Variants in VPS50 observed in about 807,000 individuals in gnomAD.
VPS50 encodes syndetin.
Under a neutral mutation model 139.7 loss-of-function variants are expected in VPS50, and 70 were observed. That is an observed-to-expected ratio of 0.50 (90% confidence interval 0.41 to 0.61). The LOEUF is 0.61. VPS50 is among the 20% of genes least tolerant of loss of function. VPS50 has a pLI of 0.00. For missense variants in VPS50, 921 were observed against 1,133.7 expected (o/e 0.81, Z 2.69); for synonymous variants, 365 against 376.7 (o/e 0.97, Z 0.36).
chr7:93,343,854 G>T (rs1293136350), intron 23 of VPS50, among the ~76,000 whole-genome samples: 2 of 152,120 alleles, frequency 1.3e-5, no homozygotes, highest in African/African-American at 4.8e-5. Flanking sequence ...AGGAACAACC[G>T]GTACCAGCCG....
At chr7:93,355,182 C>A (rs1798670861) in intron 26 of VPS50, among the ~76,000 whole-genome samples, 1 of 149,152 alleles carries the variant, frequency 6.7e-6, no homozygotes, top group South Asian at 2.1e-4. Flanking sequence ...TTGCAACTTT[C>A]CTTAAGGTAA....
chr7:93,258,826 T>G (rs1002714735), intron 8 of VPS50, among the ~76,000 whole-genome samples: 3 of 152,038 alleles, frequency 2.0e-5, no homozygotes, highest in Non-Finnish European at 4.4e-5. Context: ...TGTCATAAGG[T>G]TCACCAAAGC....
At chr7:93,323,790 C>CA in intron 21 of VPS50, 58 bp downstream of exon 21, 1 of 893,050 alleles carries the variant, frequency 1.1e-6, no homozygotes, top group African/African-American at 1.8e-5. Context: ...TTATAAATGT[C>CA]AAAGTTTTTC....
chr7:93,357,874 T>A (rs1798749254), intron 27 of VPS50, among the ~76,000 whole-genome samples: 1 of 152,110 alleles, frequency 6.6e-6, no homozygotes, highest in African/African-American at 2.4e-5. Context: ...AGAGTTGTTC[T>A]TCTGTTGTTG....
intron 1 of VPS50, 123 bp from the exon 2 acceptor site, chr7:93,239,743 C>A: frequency 1.8e-6 from 1 of 558,454 alleles, no homozygotes. Flanking sequence ...ATATATCTTC[C>A]ATATTTTGAA....
chr7:93,240,198 C>A (rs1427156960), intron 2 of VPS50, among the ~76,000 whole-genome samples: 1 of 148,272 alleles, frequency 6.7e-6, no homozygotes, highest in Non-Finnish European at 1.5e-5. Flanking sequence ...AGCCTGAAAG[C>A]AGTTGTATAT....
chr7:93,253,657 G>C lies in VPS50; in HGVS notation c.226-203G>C, dbSNP rs558863870. On this transcript the variant is annotated intron_variant, in intron 3 of 27. Transcript: ENST00000305866. ...CAAGGCTGAATGAGGGGTGGAACCA[G>C]AGGGCTGTGTACTAAAGATGTATAG... 2.6e-5 allele frequency among the ~76,000 whole-genome samples: 4 copies of C among 152,264 alleles called. No homozygotes were observed. In the East Asian group the frequency reaches 5.8e-4, roughly 22 times the overall value.
At chr7:93,286,355 A>G (rs1796485684) in intron 12 of VPS50, among the ~76,000 whole-genome samples, 1 of 152,158 alleles carries the variant, frequency 6.6e-6, no homozygotes, top group Admixed American at 6.5e-5. Context: ...TGATATTCCT[A>G]GTATTATGCC....
chr7:93,288,146 A>G lies in VPS50; in HGVS notation c.943-3557A>G, dbSNP rs143883502. 2.8e-3 allele frequency among the ~76,000 whole-genome samples: 428 copies of G among 152,234 alleles called. 2 individuals are homozygous for G. The highest frequency in any genetic ancestry group is 5.4e-3 in the Non-Finnish European group (368 of 67,996). On this transcript the variant is annotated intron_variant, in intron 12 of 27. Transcript: ENST00000305866. ...CTCATGAGACTTATTCACTATCATG[A>G]GAACAGTATGGGGAAAACCGCCCCG...
At position 93,341,547 on chromosome 7, in the gene VPS50, G is replaced by A; in HGVS notation, c.2179G>A (p.Ala727Thr). The change falls in exon 23 of 28, where the codon GCA (alanine) becomes ACA (threonine). Residue 727 changes from alanine (A) to threonine (T), a missense_variant. By Grantham distance (58) the Ala-to-Thr change is moderately conservative. This residue lies in a region of VPS50 where 744 missense variants were observed against 930.6 expected (regional missense o/e 0.80). Coordinates refer to ENST00000305866, the MANE Select transcript of VPS50 (RefSeq NM_017667.4). ...ATCTGGGGATACGCTGTATGGGTTG[G>A]CAGAAAGAGTGGTAGCCACGGAATC... ...LTSGDTLYGL[A>T]ERVVATESLV... 1 of 1,610,314 alleles carries A rather than the reference G, an allele frequency of 6.2e-7. No homozygotes were observed. Among genetic ancestry groups the A allele is most frequent in the Non-Finnish European group, 8.5e-7 (1 of 1,178,314 alleles).
chr7:93,271,008 C>A, intron 9 of VPS50: 1 of 588,422 alleles, frequency 1.7e-6, no homozygotes, highest in Non-Finnish European at 2.4e-6. Context: ...TTTCTTTCTA[C>A]TCACGCAATC....
rs781003485 is a variant in VPS50, at chr7:93,297,254, T to C, written c.1361+11T>C. ...CAAGAATTACCATAGGTAAGAACTC[T>C]AATAAGATATGAATCGACTTATTTA... is the stretch of plus-strand genomic sequence containing the variant. On this transcript the variant is annotated intron_variant, in intron 16 of 27. Transcript: ENST00000305866. 8 of 1,528,564 alleles carry C rather than the reference T, an allele frequency of 5.2e-6. No homozygotes were observed. The highest frequency in any genetic ancestry group is 2.5e-5 in the East Asian group (1 of 39,512). The allele number at this position is 1,528,564 out of a possible 1,614,324, so 94.7% of individuals were successfully genotyped here. A position where few individuals can be genotyped will look rare whatever the true frequency, so the allele number is the denominator to read the frequency against.
intron 9 of VPS50, among the ~76,000 whole-genome samples, chr7:93,260,420 C>A (rs1255444502): frequency 6.6e-6 from 1 of 152,116 alleles, no homozygotes; most frequent in Non-Finnish European, 1.5e-5. Flanking sequence ...TTTGTCTCTC[C>A]TATATGGAAA....
At chr7:93,236,838 CATA>C (rs1247557762) in intron 1 of VPS50, among the ~76,000 whole-genome samples, 1 of 144,904 alleles carries the variant, frequency 6.9e-6, no homozygotes, top group African/African-American at 2.5e-5. Flanking sequence ...GCATTTCTGT[CATA>C]ATAAAAATAT....
chr7:93,320,669 A>C (rs1797587289), intron 20 of VPS50: 1 of 151,948 alleles, frequency 6.6e-6, no homozygotes, highest in Non-Finnish European at 1.5e-5. Flanking sequence ...CCAGCTTATC[A>C]TTTCTTTTAG....
chr7:93,257,443 T>C lies in VPS50; in HGVS notation c.401T>C (p.Val134Ala). ...CAGACAGGTCTTCAATTAGCTGCTGTTATCTGTACAAATGGGAGAAGGTAT... is the reference window on the plus strand; with the variant it reads ...CAGACAGGTCTTCAATTAGCTGCTGCTATCTGTACAAATGGGAGAAGGTAT... ...SLQTGLQLAAVICTNGRRHLN... is the reference protein window; with the variant it reads ...SLQTGLQLAAAICTNGRRHLN... Residue 134 changes from valine (V) to alanine (A), a missense_variant, in exon 6 of 28, where the codon GTT becomes GCT. Physicochemically the swap from Val to Ala is moderately conservative, Grantham distance 64. Transcript: ENST00000305866. 6.2e-7 allele frequency: 1 copy of C among 1,603,366 alleles called. No individual in the cohort carries two copies. The highest frequency in any genetic ancestry group is 1.1e-5 in the South Asian group (1 of 90,342).
intron 1 of VPS50, among the ~76,000 whole-genome samples, chr7:93,234,371 C>G (rs1269951414): frequency 6.6e-6 from 1 of 152,136 alleles, no homozygotes; most frequent in East Asian, 1.9e-4. Context: ...TGAATTTCAG[C>G]AGGTCAAACC....
intron 13 of VPS50, among the ~76,000 whole-genome samples, chr7:93,293,183 T>G (rs1020521540): frequency 6.6e-6 from 1 of 152,174 alleles, no homozygotes; most frequent in Admixed American, 6.6e-5. Context: ...GTGGTTAATA[T>G]GATGAAATGA....
intron 16 of VPS50, among the ~76,000 whole-genome samples, 177 bp from the exon 17 acceptor site, chr7:93,303,283 A>T (rs1330929086): frequency 6.6e-6 from 1 of 151,914 alleles, no homozygotes; most frequent in East Asian, 1.9e-4. Context: ...ATGATAAGAT[A>T]TTAACTAATA....
Sources: gnomAD v4.1 joint callset for allele counts (sites outside exome capture counted in the v4.1 genomes callset) on GRCh38, gnomAD v4.1.1 for gene constraint, gnomAD v4.1.1 regional missense constraint, MANE v1.5 for transcripts, NCBI Gene and HGNC (gene_info 2026-07-23, HGNC 2026-07-21) for gene names.